The following ZNF704 variants were observed in gnomAD, a reference collection of about 807,000 sequenced individuals.
The protein encoded by ZNF704 is glucocorticoid induced gene 1.
ZNF704 carries 10 observed loss-of-function variants against 44.7 expected under a neutral mutation model. The ratio of observed to expected loss-of-function variants is 0.22; its 90% confidence interval spans 0.14 to 0.38. The LOEUF (loss-of-function observed/expected upper bound fraction) is 0.38, where lower values mean the gene tolerates loss of function less well. Ranked by LOEUF, ZNF704 falls within the 10% of genes least tolerant of loss-of-function variation. ZNF704 has a pLI of 1.00. For synonymous variants in ZNF704, 211 were observed against 207.6 expected, an observed-to-expected ratio of 1.02 and a Z score of -0.14; for missense variants, 390 against 545.5, an observed-to-expected ratio of 0.71 and a Z score of 2.84.
chr8:80,673,305 G>C (rs1818311740), intron 4 of ZNF704: 1 of 152,316 alleles, frequency 6.6e-6, no homozygotes, highest in South Asian at 2.1e-4. Flanking sequence ...GCACTAGAAG[G>C]AAGAAGCCTG....
At chr8:80,791,918 C>T (rs912976891) in intron 2 of ZNF704, among the ~76,000 whole-genome samples, 5 of 152,162 alleles carry the variant, frequency 3.3e-5, no homozygotes, top group African/African-American at 1.2e-4. Context: ...TTAGGCTGGA[C>T]TTGAGTCTTG....
chr8:80,760,668 A>C (rs1427862149), intron 2 of ZNF704, among the ~76,000 whole-genome samples: 3 of 151,694 alleles, frequency 2.0e-5, no homozygotes, highest in African/African-American at 7.3e-5. Flanking sequence ...AAAAAAAAAA[A>C]AAAAAACCAA....
chr8:80,818,681 C>T (rs978043946), intron 2 of ZNF704, among the ~76,000 whole-genome samples: 7 of 152,052 alleles, frequency 4.6e-5, no homozygotes, highest in Non-Finnish European at 7.4e-5. Context: ...GGTGCAGAAC[C>T]CATGGATACA....
chr8:80,805,136 C>G (rs1807968209), intron 2 of ZNF704, among the ~76,000 whole-genome samples: 1 of 152,160 alleles, frequency 6.6e-6, no homozygotes, highest in Non-Finnish European at 1.5e-5. Flanking sequence ...TACCTTTCAT[C>G]AACAGGCCAA....
rs575419565 is a variant in ZNF704, at chr8:80,696,716, C to T, written c.222-3609G>A. 1.2e-4 allele frequency among the ~76,000 whole-genome samples: 18 copies of T among 152,266 alleles called. No homozygotes were observed. The East Asian group carries it at 3.3e-3, about 28-fold the overall frequency. The stretch of plus-strand genomic sequence containing the variant: ...TACAGGCGTGAGCCAATGCGCCCGG[C>T]CAGATTTCTTTGATTTTGAAATATT... On this transcript the variant is annotated intron_variant, in intron 2 of 8. Transcript: ENST00000327835.
intron 7 of ZNF704, among the ~76,000 whole-genome samples, chr8:80,646,086 C>T (rs1233907572): frequency 6.6e-6 from 1 of 152,190 alleles, no homozygotes; most frequent in Admixed American, 6.5e-5. Context: ...TGTTGGACTT[C>T]CCCGCCTCCA....
chr8:80,874,529 C>G lies in ZNF704; in HGVS notation c.-22+42G>C, dbSNP rs568527504. 17 of 152,132 alleles carry G rather than the reference C, an allele frequency of 1.1e-4. No homozygotes were observed. Among genetic ancestry groups the G allele is most frequent in the African/African-American group, 4.1e-4 (17 of 41,528 alleles). 9.4% of individuals were successfully genotyped at this position (152,132 alleles called of 1,614,324 possible). ...CATTCCTCACAACCCTCCGGTCCCC[C>G]CGCTCAGACAAAACCCGGACTGGAT... On this transcript the variant is annotated intron_variant, in intron 1 of 8. Transcript: ENST00000327835. The surrounding 1 kb of genome is among the most constrained non-coding windows in gnomAD (Gnocchi z 4.4).
chr8:80,727,311 AGTT>A (rs1187032327), intron 2 of ZNF704, among the ~76,000 whole-genome samples: 1 of 152,192 alleles, frequency 6.6e-6, no homozygotes, highest in African/African-American at 2.4e-5. Flanking sequence ...TCATAGATCA[AGTT>A]GTTGTTTTAA....
chr8:80,801,392 C>T (rs948538582), intron 2 of ZNF704, among the ~76,000 whole-genome samples: 1 of 152,096 alleles, frequency 6.6e-6, no homozygotes, highest in Non-Finnish European at 1.5e-5. Flanking sequence ...AAGGCACTTA[C>T]TCTAAAACTG....
chr8:80,837,096 G>A (rs965699728), intron 1 of ZNF704, among the ~76,000 whole-genome samples: 2 of 152,148 alleles, frequency 1.3e-5, no homozygotes, highest in African/African-American at 4.8e-5. Context: ...AAAGTCTAAG[G>A]AGGATAGATG....
At chr8:80,721,925 A>G (rs963400720) in intron 2 of ZNF704, among the ~76,000 whole-genome samples, 5 of 152,216 alleles carry the variant, frequency 3.3e-5, no homozygotes, top group African/African-American at 1.2e-4. Context: ...TTACTTATTA[A>G]GAACATAGAC....
At chr8:80,701,427 C>T (rs1045612126) in intron 2 of ZNF704, among the ~76,000 whole-genome samples, 1 of 151,860 alleles carries the variant, frequency 6.6e-6, no homozygotes, top group Admixed American at 6.6e-5. Flanking sequence ...AGGTCTTTGT[C>T]ACATTCTGCC....
At chr8:80,673,033 T>C (rs1818307719) in intron 4 of ZNF704, among the ~76,000 whole-genome samples, 1 of 152,200 alleles carries the variant, frequency 6.6e-6, no homozygotes, top group Non-Finnish European at 1.5e-5. Context: ...TAAAGTAGTG[T>C]TATGAATAAA....
intron 2 of ZNF704, among the ~76,000 whole-genome samples, chr8:80,811,082 G>A (rs1808073457): frequency 6.6e-6 from 1 of 152,122 alleles, no homozygotes; most frequent in African/African-American, 2.4e-5. Context: ...ATTAACTTAT[G>A]CTTTATTCTA....
chr8:80,796,450 A>T (rs537839266), intron 2 of ZNF704, among the ~76,000 whole-genome samples: 1 of 152,186 alleles, frequency 6.6e-6, no homozygotes, highest in African/African-American at 2.4e-5. Context: ...CCACCTCTCA[A>T]TACCACCACA....
chr8:80,761,601 C>T (rs1042056277), intron 2 of ZNF704, among the ~76,000 whole-genome samples: 9 of 152,076 alleles, frequency 5.9e-5, no homozygotes, highest in Non-Finnish European at 1.2e-4. Flanking sequence ...TTCCTTGAGA[C>T]ATTTATTTAC....
the ZNF704 span, among the ~76,000 whole-genome samples, chr8:80,883,420 G>A: frequency 6.6e-6 from 1 of 152,132 alleles, no homozygotes; most frequent in African/African-American, 2.4e-5. Flanking sequence ...CTGCAGTGAT[G>A]GAAATGGTCT....
chr8:80,771,661 G>GT (rs1176043978), intron 2 of ZNF704, among the ~76,000 whole-genome samples: 2 of 151,924 alleles, frequency 1.3e-5, no homozygotes, highest in Non-Finnish European at 2.9e-5. Flanking sequence ...GACAGTTTTG[G>GT]TTTTTTTCCT....
chr8:80,827,706 G>A (rs1808402048), intron 1 of ZNF704, among the ~76,000 whole-genome samples: 3 of 152,112 alleles, frequency 2.0e-5, no homozygotes, highest in Admixed American at 6.5e-5. Flanking sequence ...ACAGCATGGT[G>A]CTGGTACCAA....
Sources: allele counts gnomAD v4.1 joint callset (sites outside exome capture counted in the v4.1 genomes callset), GRCh38; gene constraint gnomAD v4.1.1; non-coding constraint Gnocchi (gnomAD v3.1); transcripts MANE v1.5; gene names NCBI Gene and HGNC (gene_info 2026-07-23, HGNC 2026-07-21).